LARP4B: variants seen among roughly 807,000 people sequenced by gnomAD.
LARP4B encodes the protein la-related protein 4B.
A neutral mutation model predicts 89.8 loss-of-function variants in LARP4B; 12 were observed. That is an observed-to-expected ratio of 0.13 (90% CI 0.09 to 0.22). The LOEUF is 0.22. Among genes scored for constraint, LARP4B ranks in the 10% least tolerant of loss-of-function variants. LARP4B has a pLI of 1.00. For missense variants in LARP4B, 757 were observed against 947.7 expected, an observed-to-expected ratio of 0.80 and a Z score of 2.64; for synonymous variants, 367 against 363.3, an observed-to-expected ratio of 1.01 and a Z score of -0.12.
intron 1 of LARP4B, among the ~76,000 whole-genome samples, chr10:891,200 C>T (rs1020371436): frequency 1.3e-5 from 2 of 150,932 alleles, no homozygotes; most frequent in South Asian, 2.1e-4. Flanking sequence ...AATCTTATTA[C>T]GAACTAACCG....
At chr10:911,991 C>A (rs1836678516) in intron 1 of LARP4B, among the ~76,000 whole-genome samples, 2 of 152,136 alleles carry the variant, frequency 1.3e-5, no homozygotes, top group Non-Finnish European at 2.9e-5. Flanking sequence ...GTGCTCACCA[C>A]CAAGTGATAA....
Position 822,940 on chromosome 10 carries a change from G to A in LARP4B, c.1485-2095C>T, listed in dbSNP as rs562008032. ...GTTCTCCAGGACATCTTAGCACTTTGGTCCAATAGAGAAAGTTAATGGAAA... is the reference window on the plus strand; with the variant it reads ...GTTCTCCAGGACATCTTAGCACTTTAGTCCAATAGAGAAAGTTAATGGAAA... On this transcript the variant is annotated intron_variant, in intron 13 of 17. Coordinates refer to ENST00000316157, the MANE Select transcript of LARP4B (RefSeq NM_015155.3). The surrounding 1 kb of genome is among the most constrained non-coding windows in gnomAD (Gnocchi z 4.6). Among the ~76,000 whole-genome samples, 1 of 152,266 alleles carries A rather than the reference G, an allele frequency of 6.6e-6. No individual in the cohort carries two copies. The highest frequency in any genetic ancestry group is 1.9e-4 in the East Asian group (1 of 5,186).
chr10:975,016 T>C, the LARP4B span, among the ~76,000 whole-genome samples: 1 of 152,250 alleles, frequency 6.6e-6, no homozygotes, highest in Non-Finnish European at 1.5e-5. Context: ...GGGTCTGGCC[T>C]CTGCAGGCCC....
chr10:976,652 C>T, the LARP4B span, among the ~76,000 whole-genome samples: 1 of 151,480 alleles, frequency 6.6e-6, no homozygotes. Flanking sequence ...GTGGACCCTG[C>T]CTAGTAGAAT....
Position 873,526 on chromosome 10 carries a change from C to T in LARP4B, c.142-9256G>A, listed in dbSNP as rs1401137792. 6 of 484,598 alleles carry T rather than the reference C, an allele frequency of 1.2e-5. No homozygotes were observed. The Admixed American group carries it at 3.2e-4, about 26-fold the overall frequency. The allele number at this position is 484,598 out of a possible 1,614,324, so 30.0% of individuals were successfully genotyped here. On this transcript the variant is annotated intron_variant, in intron 3 of 17. Transcript: ENST00000316157. ...TTCCAGTATTTCCCAAATTATATTT[C>T]ATGGGATGGTGGTAACTAAATAAAA...
chr10:818,098 C>T (rs1401138131), intron 14 of LARP4B: 2 of 513,454 alleles, frequency 3.9e-6, no homozygotes, highest in African/African-American at 3.8e-5. Flanking sequence ...TGCTGCTGCC[C>T]AAGAGATGTG....
chr10:908,309 C>T (rs1836551203), intron 1 of LARP4B, among the ~76,000 whole-genome samples: 1 of 151,964 alleles, frequency 6.6e-6, no homozygotes, highest in Non-Finnish European at 1.5e-5. Context: ...GCATGGGAGC[C>T]CCTTGCCCTT....
At chr10:876,184 G>A (rs372402024) in intron 3 of LARP4B, among the ~76,000 whole-genome samples, 3 of 152,194 alleles carry the variant, frequency 2.0e-5, no homozygotes, top group South Asian at 2.1e-4. Context: ...TCAAAAGTTC[G>A]AGACCAGCCT....
At chr10:933,137 C>G (rs1418110612), upstream of LARP4B, 1 of 152,264 alleles carries the variant, frequency 6.6e-6, no homozygotes, top group Non-Finnish European at 1.5e-5. Context: ...TTCCCTTAAG[C>G]TTGCTGCCTG....
At chr10:918,302 G>C (rs1350102338) in intron 1 of LARP4B, among the ~76,000 whole-genome samples, 1 of 152,090 alleles carries the variant, frequency 6.6e-6, no homozygotes, top group Non-Finnish European at 1.5e-5. Context: ...TCTTCACTCA[G>C]CTTCTTCATT....
chr10:872,971 G>A (rs913095850), intron 3 of LARP4B: 1 of 959,794 alleles, frequency 1.0e-6, no homozygotes, highest in Non-Finnish European at 1.2e-6. Flanking sequence ...CAGCTACACT[G>A]CTGGCTCCAC....
chr10:955,651 T>C, the LARP4B span, among the ~76,000 whole-genome samples: 2 of 152,126 alleles, frequency 1.3e-5, no homozygotes, highest in Admixed American at 1.3e-4. The surrounding 1 kb of genome is among the most constrained non-coding windows in gnomAD (Gnocchi z 5.2). Flanking sequence ...GCTAACACCA[T>C]GGTTATTAAA....
chr10:814,687 G>A lies in LARP4B; in HGVS notation c.1929+55C>T. The stretch of plus-strand genomic sequence containing the variant: ...GCAGGTGCAGGAGTGCGCAGCGTCT[G>A]TTCACACCAGAGCCTCGCGGCTGTC... On this transcript the variant is annotated intron_variant, in intron 17 of 17. Transcript: ENST00000316157. The surrounding 1 kb of genome is among the most constrained non-coding windows in gnomAD (Gnocchi z 4.4). The A allele has an allele frequency of 6.4e-7, 1 of 1,556,494 alleles. No individual in the cohort carries two copies. The highest frequency in any genetic ancestry group is 8.7e-7 in the Non-Finnish European group (1 of 1,149,634).
chr10:823,463 A>G (rs1832460428), intron 13 of LARP4B, among the ~76,000 whole-genome samples: 1 of 152,202 alleles, frequency 6.6e-6, no homozygotes, highest in Non-Finnish European at 1.5e-5. Flanking sequence ...TTGGACTCTC[A>G]GCTTCAAAGC....
At chr10:936,645 C>A (rs1177395088), upstream of LARP4B, among the ~76,000 whole-genome samples, 2 of 152,166 alleles carry the variant, frequency 1.3e-5, no homozygotes, top group Non-Finnish European at 2.9e-5. Context: ...ATTGCTTAAA[C>A]CCAGGAGGCT....
intron 5 of LARP4B, among the ~76,000 whole-genome samples, chr10:849,348 A>T (rs1042769472): frequency 1.3e-5 from 2 of 152,112 alleles, no homozygotes; most frequent in African/African-American, 4.8e-5. Context: ...CCACAAAAAA[A>T]CCCTATGTTG....
intron 1 of LARP4B, among the ~76,000 whole-genome samples, chr10:930,041 A>T (rs1172020684): frequency 6.6e-6 from 1 of 152,102 alleles, no homozygotes; most frequent in Non-Finnish European, 1.5e-5. Flanking sequence ...TCTGTAAATT[A>T]CCCTGACTGT....
At chr10:873,132 A>G in intron 3 of LARP4B, 1 of 985,384 alleles carries the variant, frequency 1.0e-6, no homozygotes, top group Non-Finnish European at 1.2e-6. Flanking sequence ...TCTCTGCTGA[A>G]GCAGCAGCCC....
At chr10:838,170 A>C (rs2131705606) in intron 7 of LARP4B, among the ~76,000 whole-genome samples, 1 of 152,348 alleles carries the variant, frequency 6.6e-6, no homozygotes, top group South Asian at 2.1e-4. Flanking sequence ...CCTAAGTGTA[A>C]AATGCAAAAC....
Sources: gnomAD v4.1 joint callset for allele counts (sites outside exome capture counted in the v4.1 genomes callset) on GRCh38, gnomAD v4.1.1 for gene constraint, Gnocchi (gnomAD v3.1) non-coding constraint, MANE v1.5 for transcripts, NCBI Gene and HGNC (gene_info 2026-07-23, HGNC 2026-07-21) for gene names.